Variants in DNAH12 observed in about 807,000 individuals in gnomAD.
DNAH12 encodes the protein dynein axonemal heavy chain 12.
DNAH12 carries 285 observed loss-of-function variants against 371.5 expected under a neutral mutation model. The ratio of observed to expected loss-of-function variants is 0.77; its 90% confidence interval spans 0.70 to 0.85. DNAH12 has a LOEUF of 0.85. DNAH12 is among the 40% of genes least tolerant of loss of function. DNAH12 has a pLI of 0.00. For synonymous variants in DNAH12, 1,200 were observed against 1,213.0 expected (o/e 0.99, Z 0.22); for missense variants, 3,611 against 3,689.4 (o/e 0.98, Z 0.55).
In DNAH12 at chr3:57,323,568, C is replaced by T; in HGVS notation, c.10030G>A (p.Val3344Ile). The T allele has an allele frequency of 6.5e-7, 1 of 1,550,374 alleles. No individual in the cohort carries two copies. The highest frequency in any genetic ancestry group is 8.7e-7 in the Non-Finnish European group (1 of 1,146,646). The change falls in exon 63 of 74, where the codon GTA becomes ATA. Residue 3344 changes from valine to isoleucine, a missense_variant. This residue lies in a region of DNAH12 where 2,266 missense variants were observed against 2,236.9 expected (regional missense o/e 1.01). Coordinates refer to ENST00000495027, the MANE Select transcript of DNAH12 (RefSeq NM_001366028.2). ...GTCAAATCAAATGGTGGAGGCTCTA[C>T]AAACTTTTTCCCTAGTTTGTCAGTT... Reference protein sequence around the residue: ...YVTDKLGKKFVEPPPFDLTKS... With the variant: ...YVTDKLGKKFIEPPPFDLTKS...
At chr3:57,372,952 G>T (rs1320011563) in intron 55 of DNAH12, among the ~76,000 whole-genome samples, 3 of 152,110 alleles carry the variant, frequency 2.0e-5, no homozygotes, top group African/African-American at 7.2e-5. Context: ...ACTAAAATTA[G>T]AAAGACTAAA....
rs1294017860 is a variant in DNAH12 at position 57,457,879 on chromosome 3, A to C, written c.3178T>G (p.Leu1060Val). 1 of 1,551,530 alleles carries C rather than the reference A, an allele frequency of 6.4e-7. No homozygotes were observed. The highest frequency in any genetic ancestry group is 8.7e-7 in the Non-Finnish European group (1 of 1,146,976). Reference protein sequence around the residue: ...GIAKLEFLPNLDIKAMYSSEG... With the variant: ...GIAKLEFLPNVDIKAMYSSEG... ...GAGCTATACATGGCTTTAATGTCCA[A>C]ATTGGGAAGGAACTCTAATTTAGCA... is the stretch of plus-strand genomic sequence containing the variant. Residue 1060 changes from leucine to valine, a missense_variant, in exon 22 of 74, where the codon TTG becomes GTG. Leu to Val is a conservative substitution (Grantham distance 32). Coordinates refer to ENST00000495027, the MANE Select transcript of DNAH12 (RefSeq NM_001366028.2).
chr3:57,508,331 T>C (rs1285322772), intron 7 of DNAH12, 51 bp downstream of exon 7: 2 of 1,486,792 alleles, frequency 1.3e-6, no homozygotes, highest in African/African-American at 1.5e-5. Context: ...CAGTCAAAAA[T>C]ATAGACTCAA....
intron 39 of DNAH12, among the ~76,000 whole-genome samples, chr3:57,411,878 T>C (rs2064217925): frequency 1.3e-5 from 2 of 152,090 alleles, no homozygotes; most frequent in Non-Finnish European, 2.9e-5. Context: ...GTCAACACTA[T>C]TGAAAGAGAA....
rs71088056 is a variant in DNAH12, at chr3:57,302,567, A to ATTTTTTTTTTTT, written c.11190-640_11190-629dup. Among the ~76,000 whole-genome samples the ATTTTTTTTTTTT allele has an allele frequency of 3.8e-3, 105 of 27,484 alleles. 17 individuals are homozygous for ATTTTTTTTTTTT. Among genetic ancestry groups the ATTTTTTTTTTTT allele is most frequent in the East Asian group, 0.035 (5 of 142 alleles). The allele number at this position is 27,484 out of a possible 152,430, so 18.0% of individuals were successfully genotyped here. A position where few individuals can be genotyped will look rare whatever the true frequency, so the allele number is the denominator to read the frequency against. ...TATATATATATATATATATATATGT[A>ATTTTTTTTTTTT]TTTTTTTTTTTTTTTTTTTTTTTTT... On this transcript the variant is annotated intron_variant, in intron 69 of 73. Coordinates refer to ENST00000495027, the MANE Select transcript of DNAH12 (RefSeq NM_001366028.2).
chr3:57,486,020 G>A (rs148209515), intron 12 of DNAH12, among the ~76,000 whole-genome samples: 290 of 151,762 alleles, frequency 1.9e-3, no homozygotes, highest in African/African-American at 6.7e-3. Flanking sequence ...AGAAGTTCAA[G>A]ACCAGCCTGA....
At chr3:57,510,393 C>T (rs2067943943) in intron 5 of DNAH12, among the ~76,000 whole-genome samples, 1 of 152,068 alleles carries the variant, frequency 6.6e-6, no homozygotes, top group Admixed American at 6.6e-5. Context: ...AATCCCAGCA[C>T]TTTGGGAGGC....
At chr3:57,299,511 AAAG>A (rs1370233339) in intron 70 of DNAH12, among the ~76,000 whole-genome samples, 9 of 152,064 alleles carry the variant, frequency 5.9e-5, no homozygotes, top group African/African-American at 1.7e-4. Context: ...TTTTTAAAAA[AAAG>A]GCACAGGAAG....
intron 30 of DNAH12, among the ~76,000 whole-genome samples, chr3:57,435,373 C>CAAAAAAAAAAAAAAA (rs34515598): frequency 2.2e-4 from 21 of 94,738 alleles, no homozygotes; most frequent in South Asian, 3.7e-4. Context: ...CTCTGTCTCC[C>CAAAAAAAAAAAAAAA]AAAAAAAAAA....
chr3:57,552,549 GTTATTTAT>G, the DNAH12 span, among the ~76,000 whole-genome samples: 1 of 125,058 alleles, frequency 8.0e-6, no homozygotes, highest in African/African-American at 2.5e-5. Flanking sequence ...AGCCATTTAT[GTTATTTAT>G]TTATTTATTT....
intron 65 of DNAH12, among the ~76,000 whole-genome samples, chr3:57,318,748 A>T (rs981303523): frequency 6.6e-6 from 1 of 152,054 alleles, no homozygotes; most frequent in Non-Finnish European, 1.5e-5. Context: ...GGAATACTTA[A>T]CCTGTACCAT....
intron 58 of DNAH12, among the ~76,000 whole-genome samples, chr3:57,357,859 C>T (rs1575498521): frequency 6.6e-6 from 1 of 152,150 alleles, no homozygotes; most frequent in Non-Finnish European, 1.5e-5. Context: ...GTATTCAAAA[C>T]TATTTGTTGA....
chr3:57,298,201 T>C (rs2061273682), intron 70 of DNAH12, among the ~76,000 whole-genome samples: 1 of 152,200 alleles, frequency 6.6e-6, no homozygotes, highest in South Asian at 2.1e-4. Context: ...CCATGCAGGG[T>C]AGGCTGGTGA....
chr3:57,481,836 A>C (rs2066753983), intron 13 of DNAH12, among the ~76,000 whole-genome samples: 3 of 152,098 alleles, frequency 2.0e-5, no homozygotes, highest in Admixed American at 2.0e-4. Flanking sequence ...TTCCCTATTT[A>C]ATAAATGGTG....
intron 45 of DNAH12, among the ~76,000 whole-genome samples, chr3:57,390,424 A>AAAAAAAAAAAATATAT: frequency 6.0e-5 from 2 of 33,440 alleles, no homozygotes; most frequent in Non-Finnish European, 7.0e-5. Flanking sequence ...AAAAAAAAAA[A>AAAAAAAAAAAATATAT]ATATATATAT....
chr3:57,407,915 A>G (rs6445874), intron 40 of DNAH12, among the ~76,000 whole-genome samples: 83,483 of 151,992 alleles, frequency 0.55, 23,911 homozygotes, highest in African/African-American at 0.72. Flanking sequence ...ATAGAGAGAA[A>G]AAACGACAAG....
chr3:57,359,143 C>G (rs984277393), intron 58 of DNAH12, among the ~76,000 whole-genome samples: 5 of 152,272 alleles, frequency 3.3e-5, no homozygotes, highest in African/African-American at 9.6e-5. Flanking sequence ...TCTATGCATA[C>G]TTACAGTGTT....
In DNAH12 at chr3:57,504,003, A is replaced by G. The variant is rs1480078670; in HGVS notation, c.1086+13T>C. On this transcript the variant is annotated intron_variant, in intron 9 of 73. Coordinates refer to ENST00000495027, the MANE Select transcript of DNAH12 (RefSeq NM_001366028.2). ...AATTTAAAATTCTTTCCCGATGGGTAAAGATGTAATACCTGCAGAGCTTCG... is the reference window on the plus strand; with the variant it reads ...AATTTAAAATTCTTTCCCGATGGGTGAAGATGTAATACCTGCAGAGCTTCG... 7 of 1,602,012 alleles carry G rather than the reference A, an allele frequency of 4.4e-6. No individual in the cohort carries two copies. The highest frequency in any genetic ancestry group is 6.0e-6 in the Non-Finnish European group (7 of 1,171,892).
intron 11 of DNAH12, chr3:57,498,501 T>A: frequency 1.4e-6 from 1 of 715,214 alleles, no homozygotes. Context: ...CTTAAAAAGT[T>A]AAAAATACAC....
Sources: allele counts gnomAD v4.1 joint callset (sites outside exome capture counted in the v4.1 genomes callset), GRCh38; gene constraint gnomAD v4.1.1; regional missense constraint gnomAD v4.1.1; transcripts MANE v1.5; gene names NCBI Gene and HGNC (gene_info 2026-07-23, HGNC 2026-07-21).